SORBS2: variants seen among roughly 807,000 people sequenced by gnomAD.
The protein encoded by SORBS2 is sorbin and SH3 domain containing 2, also known as sorbin and SH3 domain-containing protein 2.
A neutral mutation model predicts 97.7 loss-of-function variants in SORBS2; 46 were observed. The observed-to-expected ratio is 0.47, with a 90% confidence interval of 0.37 to 0.60. The LOEUF (loss-of-function observed/expected upper bound fraction) is 0.60. Among genes scored for constraint, SORBS2 ranks in the 20% least tolerant of loss-of-function variants. SORBS2 has a pLI of 0.00. For missense variants in SORBS2, 1,316 were observed against 1,282.3 expected, an observed-to-expected ratio of 1.03 and a Z score of -0.40; for synonymous variants, 476 against 473.4, an observed-to-expected ratio of 1.01 and a Z score of -0.07.
intron 2 of SORBS2, among the ~76,000 whole-genome samples, chr4:185,732,159 G>T (rs916399598): frequency 6.6e-6 from 1 of 151,900 alleles, no homozygotes; most frequent in African/African-American, 2.4e-5. Context: ...GGAGATGGGT[G>T]ATCTTCTCAA....
intron 1 of SORBS2, among the ~76,000 whole-genome samples, chr4:185,824,081 C>T (rs562883011): frequency 5.3e-5 from 8 of 152,108 alleles, no homozygotes; most frequent in South Asian, 2.1e-4. Context: ...CTGGAGGTGT[C>T]GTAGCAAAGT....
At chr4:185,702,996 A>T (rs1049504972) in intron 2 of SORBS2, among the ~76,000 whole-genome samples, 7 of 152,138 alleles carry the variant, frequency 4.6e-5, no homozygotes, top group African/African-American at 1.7e-4. Context: ...ATGGTTAAAG[A>T]CCCGTGCTTC....
chr4:185,782,538 C>T (rs1249017937), intron 1 of SORBS2, among the ~76,000 whole-genome samples: 2 of 152,162 alleles, frequency 1.3e-5, no homozygotes, highest in Admixed American at 6.5e-5. Flanking sequence ...GGCAGTTATA[C>T]CACCTGAAAC....
chr4:185,812,737 T>C (rs2099188975), intron 1 of SORBS2, among the ~76,000 whole-genome samples: 1 of 152,224 alleles, frequency 6.6e-6, no homozygotes, highest in Admixed American at 6.5e-5. Context: ...AGGTAGACTA[T>C]TTTAATAAGA....
intron 2 of SORBS2, among the ~76,000 whole-genome samples, chr4:185,703,069 C>G (rs904301998): frequency 1.3e-5 from 2 of 152,188 alleles, no homozygotes; most frequent in African/African-American, 4.8e-5. Flanking sequence ...TCCTGACAAC[C>G]AAGCTGTCTC....
At chr4:185,841,979 A>G (rs2153677817) in intron 1 of SORBS2, among the ~76,000 whole-genome samples, 1 of 152,348 alleles carries the variant, frequency 6.6e-6, no homozygotes, top group East Asian at 1.9e-4. Context: ...TTTACTGAAC[A>G]TCTACTCCGT....
chr4:185,703,401 T>C (rs1317328836), intron 2 of SORBS2, among the ~76,000 whole-genome samples: 11 of 152,192 alleles, frequency 7.2e-5, no homozygotes, highest in Non-Finnish European at 1.6e-4. Flanking sequence ...GGTATCTCAA[T>C]CATGGAGGCA....
chr4:185,828,109 G>A (rs898212002), intron 1 of SORBS2, among the ~76,000 whole-genome samples: 2 of 152,146 alleles, frequency 1.3e-5, no homozygotes, highest in African/African-American at 4.8e-5. Flanking sequence ...TTACTGAAGG[G>A]GCTTTGGGGA....
chr4:185,930,073 G>A (rs1250511199), intron 1 of SORBS2, among the ~76,000 whole-genome samples: 1 of 152,172 alleles, frequency 6.6e-6, no homozygotes, highest in Non-Finnish European at 1.5e-5. Flanking sequence ...GAACAAATGT[G>A]TGTTATCTTT....
chr4:185,931,771 A>AAAAG (rs1196549109), intron 1 of SORBS2, among the ~76,000 whole-genome samples: 4 of 150,454 alleles, frequency 2.7e-5, no homozygotes, highest in Non-Finnish European at 5.9e-5. Flanking sequence ...AAAAATAAAG[A>AAAAG]AAAGAAAGAA....
intron 2 of SORBS2, chr4:185,773,652 TC>T (rs777200823): frequency 2.0e-5 from 3 of 152,252 alleles, no homozygotes; most frequent in Non-Finnish European, 2.9e-5. Flanking sequence ...AGGATTAGGC[TC>T]ATTCTACTCC....
At chr4:185,924,044 G>A (rs1579517067) in intron 1 of SORBS2, among the ~76,000 whole-genome samples, 1 of 152,170 alleles carries the variant, frequency 6.6e-6, no homozygotes, top group South Asian at 2.1e-4. Flanking sequence ...TCTCCAGGTG[G>A]TACAGCAGAG....
At chr4:185,722,022 A>T (rs1207057614) in intron 2 of SORBS2, among the ~76,000 whole-genome samples, 2 of 152,252 alleles carry the variant, frequency 1.3e-5, no homozygotes, top group Admixed American at 1.3e-4. Flanking sequence ...CAATCACTTA[A>T]GCTCCAAGTC....
chr4:185,751,610 G>C (rs540682019), intron 2 of SORBS2, among the ~76,000 whole-genome samples: 1 of 152,270 alleles, frequency 6.6e-6, no homozygotes, highest in South Asian at 2.1e-4. Flanking sequence ...CCACTCCAAA[G>C]AGTGTAGATA....
chr4:185,710,810 G>A (rs1198765095), intron 2 of SORBS2, among the ~76,000 whole-genome samples: 8 of 152,334 alleles, frequency 5.3e-5, no homozygotes, highest in Non-Finnish European at 8.8e-5. Context: ...CACAGTGCCC[G>A]TGGAGAGGTG....
At chr4:185,778,120 C>T (rs2099009060) in intron 1 of SORBS2, among the ~76,000 whole-genome samples, 1 of 152,092 alleles carries the variant, frequency 6.6e-6, no homozygotes, top group African/African-American at 2.4e-5. Context: ...TCACTTGTTT[C>T]TTTTTTACTT....
intron 2 of SORBS2, among the ~76,000 whole-genome samples, chr4:185,710,479 A>G (rs1244484054): frequency 6.6e-6 from 1 of 152,218 alleles, no homozygotes; most frequent in Non-Finnish European, 1.5e-5. Flanking sequence ...ACTGTGTCTG[A>G]GTTCTTAGGA....
At chr4:185,942,512 A>T in intron 1 of SORBS2, among the ~76,000 whole-genome samples, 1 of 151,904 alleles carries the variant, frequency 6.6e-6, no homozygotes, top group East Asian at 2.0e-4. Flanking sequence ...CACCATGCCC[A>T]GCTGACTTTT....
chr4:185,935,656 A>T (rs1383145206), intron 1 of SORBS2, among the ~76,000 whole-genome samples: 3 of 152,158 alleles, frequency 2.0e-5, no homozygotes, highest in Non-Finnish European at 4.4e-5. Context: ...AATTATCACC[A>T]ATTTGAAGCT....
Sources: allele counts gnomAD v4.1 joint callset (sites outside exome capture counted in the v4.1 genomes callset), GRCh38; gene constraint gnomAD v4.1.1; transcripts MANE v1.5; gene names NCBI Gene and HGNC (gene_info 2026-07-23, HGNC 2026-07-21).